LUZP2: variants seen among roughly 807,000 people sequenced by gnomAD.
The protein encoded by LUZP2 is leucine zipper protein 2.
LUZP2 carries 52 observed loss-of-function variants against 51.6 expected under a neutral mutation model. That is an observed-to-expected ratio of 1.01 (90% CI 0.81 to 1.27). The LOEUF is 1.27. LUZP2 is among the 50% of genes most tolerant of loss of function. The pLI is 0.00. For missense variants in LUZP2, 436 were observed against 395.4 expected (o/e 1.10, Z -0.87); for synonymous variants, 154 against 137.3 (o/e 1.12, Z -0.85).
chr11:24,655,500 A>G (rs1409981921), intron 1 of LUZP2, among the ~76,000 whole-genome samples: 2 of 152,154 alleles, frequency 1.3e-5, no homozygotes, highest in African/African-American at 2.4e-5. Flanking sequence ...TAGAGATCAT[A>G]ATCTCTTTAG....
intron 1 of LUZP2, among the ~76,000 whole-genome samples, chr11:24,682,254 G>T (rs1461136372): frequency 2.6e-5 from 4 of 152,022 alleles, no homozygotes; most frequent in Non-Finnish European, 2.9e-5. Flanking sequence ...CAGCACTTTG[G>T]GAGACCTAGG....
In LUZP2 at chr11:24,983,312, C is replaced by T. The variant is rs367723495; in HGVS notation, c.765+19C>T. The stretch of plus-strand genomic sequence containing the variant: ...AAGCAAGGTACCTACCTTTTATTTG[C>T]GCTTTGTAAAGTAACAGCAAGTAAT... On this transcript the variant is annotated intron_variant, in intron 9 of 11. Coordinates refer to ENST00000336930, the MANE Select transcript of LUZP2 (RefSeq NM_001009909.4). 85 of 1,607,266 alleles carry T rather than the reference C, an allele frequency of 5.3e-5. No individual in the cohort carries two copies. Among genetic ancestry groups the T allele is most frequent in the South Asian group, 1.3e-4 (12 of 90,646 alleles).
intron 1 of LUZP2, among the ~76,000 whole-genome samples, chr11:24,602,000 A>ATATATATG (rs1176336681): frequency 1.6e-5 from 1 of 62,856 alleles, no homozygotes; most frequent in African/African-American, 9.5e-5. Context: ...GTATATATGT[A>ATATATATG]TATATATGTA....
chr11:25,080,450 CATTCATATTTTTCATAA>C lies in LUZP2; in HGVS notation c.*1794_*1810del, dbSNP rs1197443111. 1 of 150,160 alleles carries C rather than the reference CATTCATATTTTTCATAA, an allele frequency of 6.7e-6. No homozygotes were observed. The highest frequency in any genetic ancestry group is 1.5e-5 in the Non-Finnish European group (1 of 67,686). The allele number at this position is 150,160 out of a possible 1,614,324, so 9.3% of individuals were successfully genotyped here. A position where few individuals can be genotyped will look rare whatever the true frequency, so the allele number is the denominator to read the frequency against. ...GTAATCCTATTGTTAAATCAAGGAG[CATTCATATTTTTCATAA>C]AACCGGCTACCCAAGGAAAAAAATA... is the stretch of plus-strand genomic sequence containing the variant. On this transcript the variant is annotated 3_prime_UTR_variant, in exon 12 of 12. Coordinates refer to ENST00000336930, the MANE Select transcript of LUZP2 (RefSeq NM_001009909.4).
In LUZP2 at chr11:24,960,000, GA is replaced by G. The variant is rs1366625465; in HGVS notation, c.523-16590del. Among the ~76,000 whole-genome samples, 3 of 152,176 alleles carry G rather than the reference GA, an allele frequency of 2.0e-5. No individual in the cohort carries two copies. The East Asian group carries it at 5.8e-4, about 29-fold the overall frequency. On this transcript the variant is annotated intron_variant, in intron 7 of 11. Transcript: ENST00000336930. Reference sequence around the variant, plus strand: ...GTCAAAAGCCTTTTCTGCATCTATTGAGATAATCATGTGGTTTTTGTCTTTG... The same window carrying G: ...GTCAAAAGCCTTTTCTGCATCTATTGGATAATCATGTGGTTTTTGTCTTTG...
chr11:24,685,296 G>A (rs1398557636), intron 1 of LUZP2, among the ~76,000 whole-genome samples: 1 of 152,016 alleles, frequency 6.6e-6, no homozygotes, highest in Non-Finnish European at 1.5e-5. Context: ...TTGATGCTGA[G>A]ATGAATTCTA....
chr11:24,929,984 T>C (rs1854397030), intron 7 of LUZP2, among the ~76,000 whole-genome samples: 1 of 152,228 alleles, frequency 6.6e-6, no homozygotes, highest in Non-Finnish European at 1.5e-5. Context: ...TGAGATAATG[T>C]CTGTCTTCGA....
intron 6 of LUZP2, among the ~76,000 whole-genome samples, chr11:24,907,441 G>C (rs763517008): frequency 1.3e-5 from 2 of 151,932 alleles, no homozygotes; most frequent in Non-Finnish European, 2.9e-5. Flanking sequence ...TGTTCCATAG[G>C]ATGAAAAATT....
intron 10 of LUZP2, among the ~76,000 whole-genome samples, chr11:25,067,517 T>TA (rs1254621665): frequency 2.0e-4 from 31 of 151,826 alleles, no homozygotes; most frequent in Non-Finnish European, 2.4e-4. Flanking sequence ...TTTTAGGTAT[T>TA]ACATTTAAGT....
intron 7 of LUZP2, among the ~76,000 whole-genome samples, chr11:24,918,574 A>C (rs1237946476): frequency 1.3e-5 from 2 of 151,850 alleles, no homozygotes; most frequent in East Asian, 3.9e-4. Flanking sequence ...AAATAATAAG[A>C]GCTATTTATG....
chr11:24,746,356 G>A (rs569976641), intron 4 of LUZP2, among the ~76,000 whole-genome samples: 1 of 152,248 alleles, frequency 6.6e-6, no homozygotes, highest in East Asian at 1.9e-4. Flanking sequence ...TAATTGTTTT[G>A]TTTGAGAAAG....
intron 4 of LUZP2, among the ~76,000 whole-genome samples, chr11:24,749,199 A>G (rs1859488284): frequency 6.6e-6 from 1 of 152,166 alleles, no homozygotes; most frequent in Admixed American, 6.5e-5. Context: ...CTGGGCTGGC[A>G]CAAAGTGCAA....
intron 9 of LUZP2, among the ~76,000 whole-genome samples, chr11:25,048,859 C>G (rs1590875376): frequency 6.7e-6 from 1 of 149,988 alleles, no homozygotes; most frequent in South Asian, 2.1e-4. Context: ...ATTATTATAC[C>G]CAGAGCCCAG....
intron 7 of LUZP2, among the ~76,000 whole-genome samples, chr11:24,920,210 A>T (rs1853995488): frequency 6.6e-6 from 1 of 151,916 alleles, no homozygotes; most frequent in African/African-American, 2.4e-5. Context: ...TAGTTTTGTG[A>T]TTGTGTTTGT....
intron 9 of LUZP2, among the ~76,000 whole-genome samples, chr11:25,040,210 A>G (rs2134004994): frequency 6.6e-6 from 1 of 152,252 alleles, no homozygotes; most frequent in East Asian, 1.9e-4. Context: ...TGCCCATTAA[A>G]TGTGTGTTTT....
intron 7 of LUZP2, among the ~76,000 whole-genome samples, chr11:24,937,553 C>T (rs1443828284): frequency 6.6e-6 from 1 of 152,086 alleles, no homozygotes; most frequent in Non-Finnish European, 1.5e-5. Context: ...CAAGAAATTA[C>T]CAGCTTACTT....
At chr11:24,989,855 A>G (rs900970057) in intron 9 of LUZP2, among the ~76,000 whole-genome samples, 2 of 152,164 alleles carry the variant, frequency 1.3e-5, no homozygotes, top group African/African-American at 2.4e-5. Flanking sequence ...AAGGTCTGGT[A>G]GTTCTAAAAT....
At chr11:25,038,844 C>G (rs1385590816) in intron 9 of LUZP2, among the ~76,000 whole-genome samples, 2 of 152,178 alleles carry the variant, frequency 1.3e-5, no homozygotes, top group African/African-American at 2.4e-5. Flanking sequence ...TTTCATAGAG[C>G]TAAGGCTCTG....
At chr11:24,858,395 C>T (rs1199524303) in intron 5 of LUZP2, among the ~76,000 whole-genome samples, 1 of 152,112 alleles carries the variant, frequency 6.6e-6, no homozygotes, top group Non-Finnish European at 1.5e-5. Context: ...ATTCTGACAG[C>T]ACAGTGGTTT....
Sources: gnomAD v4.1 joint callset for allele counts (sites outside exome capture counted in the v4.1 genomes callset) on GRCh38, gnomAD v4.1.1 for gene constraint, MANE v1.5 for transcripts, NCBI Gene and HGNC (gene_info 2026-07-23, HGNC 2026-07-21) for gene names.